The following PDE3A variants were observed in gnomAD, a reference collection of about 807,000 sequenced individuals.
The protein encoded by PDE3A is phosphodiesterase 3A, also known as cGMP-inhibited 3',5'-cyclic phosphodiesterase 3A.
A neutral mutation model predicts 98.3 loss-of-function variants in PDE3A; 43 were observed. The observed-to-expected ratio is 0.44, with a 90% CI of 0.34 to 0.56. The LOEUF is 0.56. Among genes scored for constraint, PDE3A ranks in the 20% least tolerant of loss-of-function variants. The pLI, the probability that PDE3A is intolerant of heterozygous loss-of-function variation, is 0.01. For synonymous variants in PDE3A, 663 were observed against 567.9 expected, an observed-to-expected ratio of 1.17 and a Z score of -2.38; for missense variants, 1,427 against 1,440.7, an observed-to-expected ratio of 0.99 and a Z score of 0.15.
chr12:20,651,963 C>T (rs1028059625), intron 14 of PDE3A, among the ~76,000 whole-genome samples: 1 of 151,392 alleles, frequency 6.6e-6, no homozygotes, highest in African/African-American at 2.4e-5. Context: ...GTTCCCCTTC[C>T]TCTGTCCATG....
chr12:20,575,011 CATTGGACATACTATTT>C (rs1484156345), intron 2 of PDE3A, among the ~76,000 whole-genome samples: 1 of 151,906 alleles, frequency 6.6e-6, no homozygotes, highest in Non-Finnish European at 1.5e-5. Context: ...CTATAAATGC[CATTGGACATACTATTT>C]ATTGAGTTAA....
At chr12:20,525,569 A>G (rs1565577623) in intron 1 of PDE3A, among the ~76,000 whole-genome samples, 1 of 152,264 alleles carries the variant, frequency 6.6e-6, no homozygotes, top group East Asian at 1.9e-4. Flanking sequence ...ATTGTTTTGA[A>G]CAAAGACCCT....
chr12:20,515,055 C>A (rs1946291947), intron 1 of PDE3A, among the ~76,000 whole-genome samples: 1 of 152,196 alleles, frequency 6.6e-6, no homozygotes, highest in Non-Finnish European at 1.5e-5. Context: ...GGGGGCCGAA[C>A]TCATCCTTTC....
chr12:20,369,192 T>G lies in PDE3A; in HGVS notation c.-93T>G. 4 of 239,846 alleles carry G rather than the reference T, an allele frequency of 1.7e-5. No individual in the cohort carries two copies. Among genetic ancestry groups the G allele is most frequent in the Non-Finnish European group, 2.4e-5 (4 of 166,508 alleles). 14.9% of individuals were successfully genotyped at this position (239,846 alleles called of 1,614,324 possible). On this transcript the variant is annotated 5_prime_UTR_variant, in exon 1 of 16. Coordinates refer to ENST00000359062, the MANE Select transcript of PDE3A (RefSeq NM_000921.5). Reference sequence around the variant, plus strand: ...TGGAATTGGGAAGAGCGTGCGTGCGTGTGTGTGTGTGTGTGTGTGCGCGCG... The same window carrying G: ...TGGAATTGGGAAGAGCGTGCGTGCGGGTGTGTGTGTGTGTGTGTGCGCGCG...
At chr12:20,445,152 A>C (rs1944934270) in intron 1 of PDE3A, among the ~76,000 whole-genome samples, 3 of 152,170 alleles carry the variant, frequency 2.0e-5, no homozygotes, top group Admixed American at 2.0e-4. Context: ...CATTTCTGTT[A>C]GGCTCCATGT....
intron 1 of PDE3A, among the ~76,000 whole-genome samples, chr12:20,443,461 G>A (rs995775789): frequency 4.6e-5 from 7 of 152,116 alleles, no homozygotes; most frequent in African/African-American, 1.7e-4. Context: ...AATGAATGAT[G>A]ACTGTCAGTG....
chr12:20,379,669 C>T (rs1943629711), intron 1 of PDE3A, among the ~76,000 whole-genome samples: 1 of 151,554 alleles, frequency 6.6e-6, no homozygotes, highest in Non-Finnish European at 1.5e-5. Context: ...ATTTATCTCC[C>T]CATTCTCCTG....
chr12:20,391,792 T>G (rs1027811242), intron 1 of PDE3A, among the ~76,000 whole-genome samples: 1 of 151,900 alleles, frequency 6.6e-6, no homozygotes, highest in Non-Finnish European at 1.5e-5. Context: ...CCCTCCTCTC[T>G]GTTTAGATAT....
Position 20,637,218 on chromosome 12 carries a change from G to A in PDE3A, c.2120G>A (p.Cys707Tyr), listed in dbSNP as rs771237504. The change falls in exon 9 of 16, where the codon TGT (cysteine) becomes TAT (tyrosine). Residue 707 changes from cysteine (C) to tyrosine (Y), a missense_variant. Physicochemically the swap from Cys to Tyr is radical, Grantham distance 194. This residue lies in a region of PDE3A where 273 missense variants were observed against 420.3 expected (regional missense o/e 0.65). Transcript: ENST00000359062. ...TTAGTGGAAAATATAGGAAGAAAAT[G>A]TGGCCGTATTCTTAGTCAGGTAAGA... ...FDLVENIGRK[C>Y]GRILSQVSYR... 4 of 1,608,106 alleles carry A rather than the reference G, an allele frequency of 2.5e-6. No homozygotes were observed. Among genetic ancestry groups the A allele is most frequent in the Middle Eastern group, 1.7e-4 (1 of 6,016 alleles).
At chr12:20,600,842 A>G (rs1191951757) in intron 2 of PDE3A, among the ~76,000 whole-genome samples, 3 of 152,214 alleles carry the variant, frequency 2.0e-5, no homozygotes, top group Non-Finnish European at 4.4e-5. Context: ...AGGAGGTTGA[A>G]TGTTTTAAGA....
chr12:20,653,691 T>G (rs770921225), intron 14 of PDE3A, among the ~76,000 whole-genome samples: 2 of 152,224 alleles, frequency 1.3e-5, no homozygotes, highest in Non-Finnish European at 2.9e-5. Flanking sequence ...TAAAAGACAC[T>G]GACTTGTGTG....
chr12:20,382,361 T>C (rs1943677864), intron 1 of PDE3A, among the ~76,000 whole-genome samples: 1 of 151,902 alleles, frequency 6.6e-6, no homozygotes, highest in Admixed American at 6.6e-5. Context: ...GAAGGGTCAG[T>C]ATCATGGGGA....
intron 1 of PDE3A, among the ~76,000 whole-genome samples, chr12:20,484,139 C>A (rs1945680635): frequency 6.6e-6 from 1 of 151,998 alleles, no homozygotes; most frequent in South Asian, 2.1e-4. Flanking sequence ...TACTTAATTT[C>A]TTTATATAGT....
At chr12:20,525,573 A>C (rs971251806) in intron 1 of PDE3A, among the ~76,000 whole-genome samples, 4 of 152,160 alleles carry the variant, frequency 2.6e-5, no homozygotes, top group African/African-American at 9.7e-5. Context: ...TTTTGAACAA[A>C]GACCCTTTAG....
chr12:20,500,027 C>T (rs1945993653), intron 1 of PDE3A, among the ~76,000 whole-genome samples: 1 of 152,210 alleles, frequency 6.6e-6, no homozygotes, highest in South Asian at 2.1e-4. Flanking sequence ...AACCAGCATA[C>T]TACACTGTAT....
chr12:20,429,299 G>T (rs968337359), intron 1 of PDE3A, among the ~76,000 whole-genome samples: 2 of 152,112 alleles, frequency 1.3e-5, no homozygotes, highest in Non-Finnish European at 2.9e-5. Flanking sequence ...AATAGCATAC[G>T]TGGGTTTGGC....
chr12:20,577,447 C>G (rs776228315), intron 2 of PDE3A, among the ~76,000 whole-genome samples: 4 of 152,168 alleles, frequency 2.6e-5, no homozygotes, highest in African/African-American at 9.7e-5. Flanking sequence ...ATGCCCCTCT[C>G]CTCACAGTGT....
At chr12:20,563,069 G>C (rs1942567908) in intron 2 of PDE3A, among the ~76,000 whole-genome samples, 1 of 152,206 alleles carries the variant, frequency 6.6e-6, no homozygotes, top group African/African-American at 2.4e-5. Flanking sequence ...CAACTACCTA[G>C]ATCAGTGAGC....
At chr12:20,457,193 A>G (rs1352474913) in intron 1 of PDE3A, among the ~76,000 whole-genome samples, 1 of 151,964 alleles carries the variant, frequency 6.6e-6, no homozygotes, top group African/African-American at 2.4e-5. Context: ...CAGAAAAAGT[A>G]TTCTATTTCC....
Sources: allele counts gnomAD v4.1 joint callset (sites outside exome capture counted in the v4.1 genomes callset), GRCh38; gene constraint gnomAD v4.1.1; regional missense constraint gnomAD v4.1.1; transcripts MANE v1.5; gene names NCBI Gene and HGNC (gene_info 2026-07-23, HGNC 2026-07-21).